ADGRV1: variants seen among roughly 807,000 people sequenced by gnomAD.
ADGRV1 encodes the protein adhesion G protein-coupled receptor V1.
A neutral mutation model predicts 596.2 loss-of-function variants in ADGRV1; 359 were observed. The ratio of observed to expected loss-of-function variants is 0.60; its 90% CI spans 0.55 to 0.66. ADGRV1 has a LOEUF of 0.66. ADGRV1 is among the 30% of genes least tolerant of loss of function. ADGRV1 has a pLI of 0.00. For missense variants in ADGRV1, 7,274 were observed against 7,575.6 expected (o/e 0.96, Z 1.48); for synonymous variants, 2,681 against 2,679.2 (o/e 1.00, Z -0.02).
intron 58 of ADGRV1, among the ~76,000 whole-genome samples, chr5:90,760,431 A>G (rs1756396289): frequency 6.6e-6 from 1 of 152,198 alleles, no homozygotes; most frequent in African/African-American, 2.4e-5. Context: ...TCAGGAAATT[A>G]CAAAGGGGAA....
rs1308791869 is a variant in ADGRV1 at position 90,789,710 on chromosome 5, G to T, written c.13902G>T (p.Glu4634Asp). The T allele has an allele frequency of 1.3e-6, 2 of 1,548,356 alleles. No homozygotes were observed. Among genetic ancestry groups the T allele is most frequent in the Non-Finnish European group, 1.8e-6 (2 of 1,140,968 alleles). The change falls in exon 69 of 90, where the codon GAG (glutamate) becomes GAT (aspartate). Residue 4634 changes from glutamate (E) to aspartate (D), a missense_variant. Physicochemically the swap from Glu to Asp is conservative, Grantham distance 45. This residue lies in a region of ADGRV1 where 3,643 missense variants were observed against 3,809.2 expected (regional missense o/e 0.96). Coordinates refer to ENST00000405460, the MANE Select transcript of ADGRV1 (RefSeq NM_032119.4). ...TTGTTTATATTTTTTAGATACAAGA[G>T]TTTGGTGACCCAAATGGAGTTGTTC... is the stretch of plus-strand genomic sequence containing the variant. ...RAKDVTLTIQ[E>D]FGDPNGVVQF...
intron 83 of ADGRV1, among the ~76,000 whole-genome samples, chr5:90,950,034 T>C (rs1347505556): frequency 6.6e-6 from 1 of 152,208 alleles, no homozygotes; most frequent in Non-Finnish European, 1.5e-5. Context: ...AATTGAATGT[T>C]TCTGAATGTC....
At chr5:91,010,700 A>C (rs1430252580) in intron 85 of ADGRV1, among the ~76,000 whole-genome samples, 2 of 152,026 alleles carry the variant, frequency 1.3e-5, no homozygotes, top group African/African-American at 4.8e-5. Flanking sequence ...AATTTTCTAT[A>C]AGTTAATCAA....
rs147573975 is a variant in ADGRV1, at chr5:90,635,673, A to G, written c.2016+383A>G. Among the ~76,000 whole-genome samples, 246 of 151,852 alleles carry G rather than the reference A, an allele frequency of 1.6e-3. 1 individual carries two copies. The highest frequency in any genetic ancestry group is 2.9e-3 in the Non-Finnish European group (195 of 67,914). ...AGTGGCGTGATCTCAGCTCAGTGCA[A>G]CCTCTGCCCCGGGCTCAATAGATCC... On this transcript the variant is annotated intron_variant, in intron 10 of 89. Coordinates refer to ENST00000405460, the MANE Select transcript of ADGRV1 (RefSeq NM_032119.4).
chr5:90,982,887 T>C (rs1433203398), intron 84 of ADGRV1, among the ~76,000 whole-genome samples: 1 of 152,196 alleles, frequency 6.6e-6, no homozygotes, highest in Non-Finnish European at 1.5e-5. Flanking sequence ...GCTCATGAGC[T>C]AGGCATTTGT....
chr5:90,721,390 G>C (rs1202073968), intron 45 of ADGRV1, among the ~76,000 whole-genome samples: 4 of 151,918 alleles, frequency 2.6e-5, no homozygotes, highest in Non-Finnish European at 5.9e-5. Flanking sequence ...TGTGGTCCCA[G>C]CTACTCGGGA....
chr5:90,951,193 G>GT (rs1457701852), intron 83 of ADGRV1, among the ~76,000 whole-genome samples: 1 of 152,184 alleles, frequency 6.6e-6, no homozygotes, highest in Non-Finnish European at 1.5e-5. Context: ...GTGCTAGGTA[G>GT]TTTCTGCCTG....
At chr5:90,726,778 T>A (rs888043080) in intron 48 of ADGRV1, among the ~76,000 whole-genome samples, 2 of 152,154 alleles carry the variant, frequency 1.3e-5, no homozygotes, top group Non-Finnish European at 2.9e-5. Context: ...TTCAAATTTC[T>A]TTTTTCTTTC....
At chr5:90,626,522 T>G (rs1764781725) in intron 6 of ADGRV1, 1 of 152,048 alleles carries the variant, frequency 6.6e-6, no homozygotes, top group African/African-American at 2.4e-5. Context: ...AAAATAGAGT[T>G]TATGGTGAAT....
In ADGRV1 at chr5:90,685,838, T is replaced by TGG; in HGVS notation, c.6334_6335insGG (p.Ala2112GlyfsTer30). ...AAACTATTGCGCAACTAATTATCAT[T>TGG]GCCAATGATGATGCATTTGGAACTC... is the stretch of plus-strand genomic sequence containing the variant. On this transcript the variant is annotated frameshift_variant, in exon 29 of 90. Coordinates refer to ENST00000405460, the MANE Select transcript of ADGRV1 (RefSeq NM_032119.4). LOFTEE classifies it high-confidence loss of function. 6.2e-7 allele frequency: 1 copy of TGG among 1,612,426 alleles called. No individual in the cohort carries two copies. The highest frequency in any genetic ancestry group is 8.5e-7 in the Non-Finnish European group (1 of 1,178,944).
chr5:90,975,238 T>G (rs1779451330), intron 84 of ADGRV1, among the ~76,000 whole-genome samples: 1 of 151,922 alleles, frequency 6.6e-6, no homozygotes, highest in Non-Finnish European at 1.5e-5. Flanking sequence ...TAGGAACACT[T>G]TTACACTGTT....
chr5:90,595,437 C>T (rs1209354919), intron 1 of ADGRV1, among the ~76,000 whole-genome samples: 1 of 41,370 alleles, frequency 2.4e-5, no homozygotes, highest in African/African-American at 1.1e-4. Context: ...GGGCGGGGGG[C>T]TGACCCCCCC....
chr5:90,882,647 T>A (rs1185748778), intron 83 of ADGRV1, among the ~76,000 whole-genome samples: 1 of 152,194 alleles, frequency 6.6e-6, no homozygotes, highest in East Asian at 1.9e-4. Context: ...CCTTCCTGCT[T>A]AACCAGAATA....
chr5:90,869,098 A>G (rs1768418119), intron 83 of ADGRV1, among the ~76,000 whole-genome samples: 1 of 152,194 alleles, frequency 6.6e-6, no homozygotes, highest in Admixed American at 6.6e-5. Context: ...AGAACCAAGT[A>G]TATACAGAGA....
At chr5:90,738,864 T>G (rs1753592432) in intron 50 of ADGRV1, among the ~76,000 whole-genome samples, 1 of 152,146 alleles carries the variant, frequency 6.6e-6, no homozygotes, top group South Asian at 2.1e-4. Flanking sequence ...TTTCAGCCAG[T>G]ATTTTTAAAA....
chr5:90,635,074 T>C (rs1338425405), intron 9 of ADGRV1, 40 bp from the exon 10 acceptor site: 32 of 1,340,580 alleles, frequency 2.4e-5, no homozygotes, highest in Non-Finnish European at 3.4e-5. Context: ...ATTTATATTC[T>C]ATCAATTCTT....
chr5:90,715,896 T>G (rs977681706), intron 42 of ADGRV1, among the ~76,000 whole-genome samples: 7 of 152,190 alleles, frequency 4.6e-5, no homozygotes, highest in Admixed American at 4.6e-4. Flanking sequence ...AATTAGTAAG[T>G]TCTTAATAGT....
chr5:90,807,783 T>C (rs776771805), intron 73 of ADGRV1, 46 bp downstream of exon 73: 2 of 1,466,092 alleles, frequency 1.4e-6, no homozygotes, highest in East Asian at 2.3e-5. Context: ...TGAGGAATAA[T>C]CTGGAATTCA....
intron 85 of ADGRV1, among the ~76,000 whole-genome samples, chr5:91,068,975 A>G (rs1788136046): frequency 6.6e-6 from 1 of 151,880 alleles, no homozygotes; most frequent in South Asian, 2.1e-4. Context: ...TAGAAAACCG[A>G]AAAAAAAGGC....
Sources: allele counts gnomAD v4.1 joint callset (sites outside exome capture counted in the v4.1 genomes callset), GRCh38; gene constraint gnomAD v4.1.1; regional missense constraint gnomAD v4.1.1; transcripts MANE v1.5; gene names NCBI Gene and HGNC (gene_info 2026-07-23, HGNC 2026-07-21).